The following NBEA variants were observed in gnomAD, a reference collection of about 807,000 sequenced individuals.
NBEA encodes the protein neurobeachin, also known as lysosomal-trafficking regulator 2.
Under a neutral mutation model 343.4 loss-of-function variants are expected in NBEA, and 44 were observed. The ratio of observed to expected loss-of-function variants is 0.13; its 90% confidence interval spans 0.10 to 0.16. The LOEUF (loss-of-function observed/expected upper bound fraction) is 0.16. NBEA is among the 10% of genes least tolerant of loss of function. The probability of loss-of-function intolerance (pLI) is 1.00; values close to 1 mark genes in which losing one functional copy is unlikely to be tolerated. For synonymous variants in NBEA, 1,175 were observed against 1,238.7 expected (o/e 0.95, Z 1.08); for missense variants, 2,555 against 3,631.3 (o/e 0.70, Z 7.62).
chr13:35,603,691 G>C (rs1306843709), intron 47 of NBEA, among the ~76,000 whole-genome samples: 1 of 152,142 alleles, frequency 6.6e-6, no homozygotes, highest in Admixed American at 6.6e-5. Flanking sequence ...TGTAGAGATA[G>C]GGCATGAGCA....
At chr13:35,024,975 T>G (rs903473935) in intron 1 of NBEA, among the ~76,000 whole-genome samples, 1 of 152,200 alleles carries the variant, frequency 6.6e-6, no homozygotes, top group African/African-American at 2.4e-5. Flanking sequence ...TGTCTTCTTT[T>G]GAGAGGTGTC....
chr13:35,343,752 A>G (rs1156394522), intron 36 of NBEA, among the ~76,000 whole-genome samples: 3 of 152,114 alleles, frequency 2.0e-5, no homozygotes, highest in African/African-American at 7.2e-5. Flanking sequence ...ATGAGAATCT[A>G]ATGGCTGATA....
At chr13:35,015,495 A>G (rs2061626659) in intron 1 of NBEA, among the ~76,000 whole-genome samples, 2 of 152,090 alleles carry the variant, frequency 1.3e-5, no homozygotes, top group Admixed American at 1.3e-4. Flanking sequence ...AACAGTATAT[A>G]CAACTACTTT....
intron 1 of NBEA, among the ~76,000 whole-genome samples, chr13:35,009,331 G>A (rs1248563510): frequency 2.0e-5 from 3 of 152,272 alleles, no homozygotes; most frequent in Middle Eastern, 6.8e-3. Flanking sequence ...TCTGTGGAGA[G>A]CATAATGCAG....
chr13:35,327,536 A>G lies in NBEA; in HGVS notation c.5903+17944A>G, dbSNP rs2038650065. Reference sequence around the variant, plus strand: ...CAAATTAAAGTTGGAACAGAAAACAAAGTACCACATGTTCTTACTTATAAG... The same window carrying G: ...CAAATTAAAGTTGGAACAGAAAACAGAGTACCACATGTTCTTACTTATAAG... On this transcript the variant is annotated intron_variant, in intron 36 of 58. Coordinates refer to ENST00000379939, the MANE Select transcript of NBEA (RefSeq NM_001385012.1). Among the ~76,000 whole-genome samples, 3 of 152,050 alleles carry G rather than the reference A, an allele frequency of 2.0e-5. 1 individual carries two copies. In the South Asian group the frequency reaches 6.2e-4, roughly 31 times the overall value.
intron 1 of NBEA, among the ~76,000 whole-genome samples, chr13:35,015,521 A>T (rs1428598332): frequency 6.6e-6 from 1 of 151,984 alleles, no homozygotes; most frequent in African/African-American, 2.4e-5. Context: ...TTTTTTTAAT[A>T]TTGTCAGTTT....
chr13:35,462,788 G>GA (rs1342251204), intron 40 of NBEA, among the ~76,000 whole-genome samples: 2 of 151,828 alleles, frequency 1.3e-5, no homozygotes, highest in South Asian at 2.1e-4. Flanking sequence ...CTACCAAAAA[G>GA]AAAAAAAATT....
intron 16 of NBEA, among the ~76,000 whole-genome samples, chr13:35,122,605 G>T (rs2066866358): frequency 6.6e-6 from 1 of 151,604 alleles, no homozygotes; most frequent in East Asian, 1.9e-4. Flanking sequence ...AGCATTAGGA[G>T]ATATACCTAA....
intron 2 of NBEA, among the ~76,000 whole-genome samples, chr13:35,042,704 T>G (rs1276282433): frequency 2.0e-5 from 3 of 151,796 alleles, no homozygotes; most frequent in Admixed American, 6.6e-5. Context: ...ATTTTTCACT[T>G]TTTGTAATTT....
intron 30 of NBEA, among the ~76,000 whole-genome samples, chr13:35,191,339 A>C (rs749253961): frequency 7.2e-5 from 11 of 152,262 alleles, no homozygotes; most frequent in Admixed American, 3.3e-4. Context: ...AGAGACCCAC[A>C]TGTTGACACA....
Position 35,159,156 on chromosome 13 carries a change from A to C in NBEA, c.2985A>C (p.Lys995Asn). 1 of 1,613,576 alleles carries C rather than the reference A, an allele frequency of 6.2e-7. No individual in the cohort carries two copies. The highest frequency in any genetic ancestry group is 8.5e-7 in the Non-Finnish European group (1 of 1,179,606). Residue 995 changes from lysine to asparagine, a missense_variant, in exon 22 of 59, where the codon AAA becomes AAC. Lys to Asn is a moderately conservative substitution (Grantham distance 94). Around this residue, in one of 21 missense-constraint regions of NBEA, gnomAD observed 367 missense variants for 377.5 expected, o/e 0.97. Coordinates refer to ENST00000379939, the MANE Select transcript of NBEA (RefSeq NM_001385012.1). ...SGLSSQTTGA[K>N]GGMEIREIED... ...TTTCATCACAGACAACAGGAGCAAA[A>C]GGTGGAATGGAAATTCGAGAGATAG...
chr13:35,514,254 A>T (rs1269073877), intron 41 of NBEA, among the ~76,000 whole-genome samples: 1 of 152,184 alleles, frequency 6.6e-6, no homozygotes, highest in East Asian at 1.9e-4. Context: ...TCATTTGCTG[A>T]TGTGAAATGA....
chr13:35,606,873 A>G (rs568133329), intron 48 of NBEA, among the ~76,000 whole-genome samples: 1 of 152,282 alleles, frequency 6.6e-6, no homozygotes, highest in East Asian at 1.9e-4. Context: ...ATGTATTCTA[A>G]AGTGCTTAAA....
chr13:35,551,866 T>C (rs1183590613), intron 43 of NBEA, among the ~76,000 whole-genome samples: 2 of 152,198 alleles, frequency 1.3e-5, no homozygotes, highest in Non-Finnish European at 2.9e-5. Context: ...TTAGGAAGAA[T>C]GTATTTCTCA....
chr13:35,343,615 C>G (rs976690835), intron 36 of NBEA, among the ~76,000 whole-genome samples: 2 of 152,088 alleles, frequency 1.3e-5, no homozygotes, highest in African/African-American at 4.8e-5. Flanking sequence ...TTTACAGCCA[C>G]TTCCCATTGC....
At chr13:35,124,662 A>G (rs2067001330) in intron 17 of NBEA, among the ~76,000 whole-genome samples, 2 of 149,406 alleles carry the variant, frequency 1.3e-5, no homozygotes, top group Non-Finnish European at 1.5e-5. Context: ...ACACACACAT[A>G]TATGTGGATA....
chr13:35,104,706 CTTA>C (rs1038982326), intron 11 of NBEA, among the ~76,000 whole-genome samples: 6 of 151,794 alleles, frequency 4.0e-5, no homozygotes, highest in Non-Finnish European at 7.4e-5. Context: ...TAGAAGATGT[CTTA>C]GGAAGATAGT....
intron 1 of NBEA, among the ~76,000 whole-genome samples, chr13:35,012,026 C>G (rs59665528): frequency 2.6e-5 from 4 of 152,132 alleles, no homozygotes; most frequent in Non-Finnish European, 5.9e-5. Flanking sequence ...GTAAGTTTTC[C>G]TCCGTATTTA....
chr13:34,985,297 CAT>C (rs1169423400), intron 1 of NBEA, among the ~76,000 whole-genome samples: 4 of 150,998 alleles, frequency 2.6e-5, no homozygotes, highest in Admixed American at 1.3e-4. Flanking sequence ...TTGAGATAAT[CAT>C]GTGGTTTTTG....
Sources: allele counts gnomAD v4.1 joint callset (sites outside exome capture counted in the v4.1 genomes callset), GRCh38; gene constraint gnomAD v4.1.1; regional missense constraint gnomAD v4.1.1; transcripts MANE v1.5; gene names NCBI Gene and HGNC (gene_info 2026-07-23, HGNC 2026-07-21).